Variants in ENTHD1 observed in about 807,000 individuals in gnomAD.
The protein encoded by ENTHD1 is ENTH domain-containing protein 1.
Under a neutral mutation model 39.1 loss-of-function variants are expected in ENTHD1, and 23 were observed. That is an observed-to-expected ratio of 0.59 (90% CI 0.42 to 0.83). The LOEUF is 0.83. ENTHD1 is among the 40% of genes least tolerant of loss of function. ENTHD1 has a pLI of 0.00. For missense variants in ENTHD1, 624 were observed against 705.4 expected (o/e 0.88, Z 1.31); for synonymous variants, 230 against 258.2 (o/e 0.89, Z 1.05).
chr22:39,753,503 C>G (rs1349292783), intron 6 of ENTHD1, among the ~76,000 whole-genome samples: 1 of 152,188 alleles, frequency 6.6e-6, no homozygotes, highest in East Asian at 1.9e-4. Flanking sequence ...GCTGCCTTCA[C>G]TTTCCTGATA....
intron 6 of ENTHD1, among the ~76,000 whole-genome samples, chr22:39,746,446 A>C (rs913066510): frequency 1.1e-4 from 16 of 152,086 alleles, no homozygotes; most frequent in African/African-American, 3.9e-4. Flanking sequence ...ATGTTTCCTC[A>C]AAATTATTTT....
At chr22:39,871,527 T>C (rs888577842) in intron 2 of ENTHD1, among the ~76,000 whole-genome samples, 1 of 152,212 alleles carries the variant, frequency 6.6e-6, no homozygotes, top group Admixed American at 6.5e-5. Context: ...CCTTAGCATA[T>C]ACTTACCAGT....
At chr22:39,796,209 C>T (rs1319120726) in intron 5 of ENTHD1, among the ~76,000 whole-genome samples, 3 of 152,042 alleles carry the variant, frequency 2.0e-5, no homozygotes, top group Admixed American at 6.5e-5. Flanking sequence ...TCTTCCCCCT[C>T]TTACTACTGC....
intron 3 of ENTHD1, 50 bp downstream of exon 3, chr22:39,861,715 C>A (rs1156995354): frequency 1.0e-5 from 14 of 1,345,168 alleles, no homozygotes; most frequent in Non-Finnish European, 1.4e-5. Context: ...ATTTTTAAAT[C>A]ATTTTTAATG....
intron 4 of ENTHD1, among the ~76,000 whole-genome samples, chr22:39,821,716 C>T (rs551534396): frequency 6.6e-6 from 1 of 152,276 alleles, no homozygotes; most frequent in Admixed American, 6.5e-5. Flanking sequence ...AACTGAGTGG[C>T]TTATAAACAA....
chr22:39,859,560 G>T (rs1489961283), intron 3 of ENTHD1, among the ~76,000 whole-genome samples: 1 of 152,096 alleles, frequency 6.6e-6, no homozygotes, highest in South Asian at 2.1e-4. Flanking sequence ...TGACCCTCAG[G>T]GACTAGGGAG....
rs1440328780 is a variant in ENTHD1, at chr22:39,867,369, C to T, written c.350-5362G>A. Among the ~76,000 whole-genome samples the T allele has an allele frequency of 6.6e-6, 1 of 151,940 alleles. No homozygotes were observed. Among genetic ancestry groups the T allele is most frequent in the Non-Finnish European group, 1.5e-5 (1 of 68,006 alleles). Reference sequence around the variant, plus strand: ...TCAAACAATCGTAAAAATCTTAATACTCCTGTCTCTATTCCTGACCTACTG... The same window carrying T: ...TCAAACAATCGTAAAAATCTTAATATTCCTGTCTCTATTCCTGACCTACTG... On this transcript the variant is annotated intron_variant, in intron 2 of 6. Coordinates refer to ENST00000325157, the MANE Select transcript of ENTHD1 (RefSeq NM_152512.4). The surrounding 1 kb of genome is among the most constrained non-coding windows in gnomAD (Gnocchi z 4.5).
At position 39,831,467 on chromosome 22, in the gene ENTHD1, A is replaced by G. The variant is rs115474170; in HGVS notation, c.711+4373T>C. Reference sequence around the variant, plus strand: ...AACTTGAGCTACTCAAGATGAGCTTATAATCCAATACTCTAAAACACAGAA... The same window carrying G: ...AACTTGAGCTACTCAAGATGAGCTTGTAATCCAATACTCTAAAACACAGAA... On this transcript the variant is annotated intron_variant, in intron 4 of 6. Transcript: ENST00000325157. 2.6e-3 allele frequency among the ~76,000 whole-genome samples: 396 copies of G among 152,322 alleles called. 1 individual carries two copies. Among genetic ancestry groups the G allele is most frequent in the African/African-American group, 9.0e-3 (376 of 41,578 alleles).
At chr22:39,765,827 C>A in intron 5 of ENTHD1, among the ~76,000 whole-genome samples, 1 of 151,834 alleles carries the variant, frequency 6.6e-6, no homozygotes, top group East Asian at 1.9e-4. Flanking sequence ...TGCCTTCTCC[C>A]TCTCTCCTCA....
intron 3 of ENTHD1, among the ~76,000 whole-genome samples, chr22:39,837,079 T>G (rs1366760592): frequency 6.6e-6 from 1 of 152,224 alleles, no homozygotes; most frequent in Non-Finnish European, 1.5e-5. Flanking sequence ...ATTTTTATAG[T>G]CCTAATCTTT....
intron 5 of ENTHD1, among the ~76,000 whole-genome samples, chr22:39,790,003 T>G (rs1028068874): frequency 1.3e-4 from 20 of 151,890 alleles, no homozygotes; most frequent in African/African-American, 4.6e-4. Context: ...GAAGAGTCAC[T>G]GCAGAGACCC....
At chr22:39,771,783 G>A (rs1214149427) in intron 5 of ENTHD1, among the ~76,000 whole-genome samples, 1 of 151,882 alleles carries the variant, frequency 6.6e-6, no homozygotes, top group African/African-American at 2.4e-5. Flanking sequence ...AACATTGTAA[G>A]ATAAACAGAA....
chr22:39,855,573 A>T (rs1347024599), intron 3 of ENTHD1, among the ~76,000 whole-genome samples: 1 of 151,626 alleles, frequency 6.6e-6, no homozygotes, highest in Non-Finnish European at 1.5e-5. Context: ...GTACTAAACA[A>T]TAATATGTGA....
At chr22:39,834,281 A>G (rs2065892651) in intron 4 of ENTHD1, among the ~76,000 whole-genome samples, 1 of 152,204 alleles carries the variant, frequency 6.6e-6, no homozygotes, top group Non-Finnish European at 1.5e-5. Context: ...TCAAAACTCA[A>G]TGGTAAAAAG....
intron 4 of ENTHD1, among the ~76,000 whole-genome samples, chr22:39,827,947 T>G (rs1274717971): frequency 6.6e-6 from 1 of 152,184 alleles, no homozygotes; most frequent in Non-Finnish European, 1.5e-5. Context: ...TGTATACGTA[T>G]ATAGATAAAG....
At position 39,744,120 on chromosome 22, in the gene ENTHD1, A is replaced by G. The variant is rs1393740939; in HGVS notation, c.1383T>C (p.Asp461=). 1 of 1,614,152 alleles carries G rather than the reference A, an allele frequency of 6.2e-7. No homozygotes were observed. ...HQQLSSTSFK[D]EDKTAKLHHS... is the part of the protein sequence containing the mutation. The stretch of plus-strand genomic sequence containing the variant: ...GATGCAGCTTGGCTGTCTTATCTTC[A>G]TCTTTAAAGGAGGTAGAAGACAACT... Residue 461 remains aspartate (D), a synonymous_variant, in exon 7 of 7, where the codon GAT becomes GAC. Coordinates refer to ENST00000325157, the MANE Select transcript of ENTHD1 (RefSeq NM_152512.4).
intron 5 of ENTHD1, among the ~76,000 whole-genome samples, chr22:39,807,158 T>G (rs1432361040): frequency 1.3e-5 from 2 of 152,172 alleles, no homozygotes; most frequent in South Asian, 4.1e-4. Context: ...TGACCCCTGA[T>G]TGCTTCCCTA....
intron 5 of ENTHD1, among the ~76,000 whole-genome samples, chr22:39,801,969 T>G (rs2065602144): frequency 6.6e-6 from 1 of 152,202 alleles, no homozygotes; most frequent in African/African-American, 2.4e-5. Context: ...AGTTCTGATT[T>G]AATTATTTTA....
At chr22:39,886,919 T>C (rs1383793194) in intron 2 of ENTHD1, among the ~76,000 whole-genome samples, 1 of 152,258 alleles carries the variant, frequency 6.6e-6, no homozygotes, top group African/African-American at 2.4e-5. Flanking sequence ...TAAATTACAG[T>C]GACATTATTA....
Sources: allele counts gnomAD v4.1 joint callset (sites outside exome capture counted in the v4.1 genomes callset), GRCh38; gene constraint gnomAD v4.1.1; non-coding constraint Gnocchi (gnomAD v3.1); transcripts MANE v1.5; gene names NCBI Gene and HGNC (gene_info 2026-07-23, HGNC 2026-07-21).